DLGAP2: variants seen among roughly 807,000 people sequenced by gnomAD.
DLGAP2 encodes the protein disks large-associated protein 2.
In DLGAP2, 26 loss-of-function variants were observed where a neutral mutation model predicts 100.3. The observed-to-expected ratio is 0.26, with a 90% CI of 0.19 to 0.36. DLGAP2 has a LOEUF of 0.36. Among genes scored for constraint, DLGAP2 ranks in the 10% least tolerant of loss-of-function variants. DLGAP2 has a pLI of 1.00. For synonymous variants in DLGAP2, 886 were observed against 630.1 expected (o/e 1.41, Z -6.08); for missense variants, 1,858 against 1,453.2 (o/e 1.28, Z -4.53).
chr8:889,085 G>C (rs552493713), intron 1 of DLGAP2, among the ~76,000 whole-genome samples: 1 of 152,284 alleles, frequency 6.6e-6, no homozygotes, highest in South Asian at 2.1e-4. Flanking sequence ...AGGTCACAAG[G>C]TGCTCAGTAG....
At chr8:1,139,686 C>A (rs1428743403) in intron 2 of DLGAP2, among the ~76,000 whole-genome samples, 1 of 152,136 alleles carries the variant, frequency 6.6e-6, no homozygotes, top group Non-Finnish European at 1.5e-5. Context: ...AACAGTAAGG[C>A]CACCTAGAAC....
At chr8:1,167,922 G>A (rs1359323425) in intron 2 of DLGAP2, among the ~76,000 whole-genome samples, 1 of 151,886 alleles carries the variant, frequency 6.6e-6, no homozygotes, top group Non-Finnish European at 1.5e-5. Context: ...GGGTACATGT[G>A]CACAATGTGT....
chr8:1,632,716 C>G, intron 7 of DLGAP2, 111 bp from the exon 8 acceptor site: 1 of 1,041,818 alleles, frequency 9.6e-7, no homozygotes, highest in Non-Finnish European at 1.4e-6. Flanking sequence ...CTGTGCTGAA[C>G]TATGAGGCAG....
chr8:838,391 A>G (rs2132712197), intron 1 of DLGAP2, among the ~76,000 whole-genome samples: 1 of 151,692 alleles, frequency 6.6e-6, no homozygotes, highest in Non-Finnish European at 1.5e-5. Context: ...TCAGTATTTT[A>G]TTTTTTTATT....
chr8:745,069 G>C (rs1429373912), intron 1 of DLGAP2, among the ~76,000 whole-genome samples: 1 of 152,200 alleles, frequency 6.6e-6, no homozygotes, highest in African/African-American at 2.4e-5. Flanking sequence ...CACCGTGAAT[G>C]CCTCGTTACG....
At chr8:1,025,994 C>G (rs1295425488) in intron 2 of DLGAP2, among the ~76,000 whole-genome samples, 2 of 152,368 alleles carry the variant, frequency 1.3e-5, no homozygotes, top group African/African-American at 4.8e-5. Context: ...AGACGGTGCC[C>G]TGAAGCTGCA....
chr8:934,876 G>T (rs1799034487), intron 2 of DLGAP2, among the ~76,000 whole-genome samples: 1 of 152,144 alleles, frequency 6.6e-6, no homozygotes, highest in Admixed American at 6.5e-5. Context: ...AGAGTGATTT[G>T]CTGTCCAAAG....
intron 6 of DLGAP2, among the ~76,000 whole-genome samples, chr8:1,578,189 A>G (rs1803072127): frequency 1.3e-5 from 2 of 152,218 alleles, no homozygotes; most frequent in African/African-American, 4.8e-5. Context: ...GATTCAAATG[A>G]TAAAAATGAT....
At position 1,417,694 on chromosome 8, in the gene DLGAP2, G is replaced by GGCACGGGGAC. The variant is rs1563134271; in HGVS notation, c.107-83672_107-83671insGCACGGGGAC. ...GCGAGGCTCCAGGGGGGCACAGGGGGCCCCACTCCTGCCTCACTCGGCGAG... is the reference window on the plus strand; with the variant it reads ...GCGAGGCTCCAGGGGGGCACAGGGGGGCACGGGGACCCCCACTCCTGCCTCACTCGGCGAG... On this transcript the variant is annotated intron_variant, in intron 3 of 14. Transcript: ENST00000637795. Among the ~76,000 whole-genome samples, 2 of 144,328 alleles carry GGCACGGGGAC rather than the reference G, an allele frequency of 1.4e-5. 1 individual carries two copies. The highest frequency in any genetic ancestry group is 5.4e-5 in the African/African-American group (2 of 37,226). 94.7% of individuals were successfully genotyped at this position (144,328 alleles called of 152,430 possible). A position where few individuals can be genotyped will look rare whatever the true frequency, so the allele number is the denominator to read the frequency against.
intron 2 of DLGAP2, among the ~76,000 whole-genome samples, chr8:1,066,739 T>A (rs990163316): frequency 2.0e-5 from 3 of 152,234 alleles, no homozygotes; most frequent in African/African-American, 7.2e-5. Flanking sequence ...CCTGTCTTTG[T>A]CCTTGGCCTC....
chr8:811,983 G>A (rs989664547), intron 1 of DLGAP2, among the ~76,000 whole-genome samples: 4 of 152,258 alleles, frequency 2.6e-5, no homozygotes, highest in Non-Finnish European at 4.4e-5. Flanking sequence ...GCACTGGCCG[G>A]AATTCTGGAA....
intron 3 of DLGAP2, among the ~76,000 whole-genome samples, chr8:1,339,743 A>T (rs1262845758): frequency 6.6e-6 from 1 of 152,164 alleles, no homozygotes; most frequent in Non-Finnish European, 1.5e-5. Context: ...CAGAGGAGCC[A>T]CCTGCCCTGC....
At chr8:1,541,872 G>A (rs1801371369) in intron 4 of DLGAP2, among the ~76,000 whole-genome samples, 1 of 152,244 alleles carries the variant, frequency 6.6e-6, no homozygotes, top group Admixed American at 6.5e-5. Context: ...ACAATGGAAT[G>A]ATGGAATGTC....
At chr8:827,318 AT>A (rs1211539774) in intron 1 of DLGAP2, among the ~76,000 whole-genome samples, 2 of 152,132 alleles carry the variant, frequency 1.3e-5, no homozygotes, top group African/African-American at 4.8e-5. Flanking sequence ...CAATGTGAGG[AT>A]TTTTCATGGG....
chr8:1,492,296 A>G (rs962507201), intron 3 of DLGAP2, among the ~76,000 whole-genome samples: 2 of 152,202 alleles, frequency 1.3e-5, no homozygotes, highest in African/African-American at 4.8e-5. Context: ...AAACCAATCA[A>G]TGTCATTGTC....
chr8:1,052,056 G>A (rs1286769491), intron 2 of DLGAP2, among the ~76,000 whole-genome samples: 3 of 152,138 alleles, frequency 2.0e-5, no homozygotes, highest in African/African-American at 4.8e-5. Context: ...CACGCCTGCC[G>A]CCAGCACGCG....
chr8:1,159,039 G>A (rs561864236), intron 2 of DLGAP2, among the ~76,000 whole-genome samples: 4 of 152,186 alleles, frequency 2.6e-5, no homozygotes, highest in South Asian at 2.1e-4. Flanking sequence ...TGTTAACCTC[G>A]ATGTCAGTGA....
intron 1 of DLGAP2, among the ~76,000 whole-genome samples, chr8:866,874 G>A (rs980238247): frequency 1.3e-5 from 2 of 152,180 alleles, no homozygotes; most frequent in Admixed American, 6.5e-5. Flanking sequence ...GCTCAGAGCC[G>A]GTGTTCTCCT....
chr8:1,579,874 C>T (rs1196780846), intron 6 of DLGAP2, among the ~76,000 whole-genome samples: 4 of 151,812 alleles, frequency 2.6e-5, no homozygotes, highest in African/African-American at 9.7e-5. Flanking sequence ...CCCCACCATG[C>T]GCTGCTACCA....
Sources: gnomAD v4.1 joint callset for allele counts (sites outside exome capture counted in the v4.1 genomes callset) on GRCh38, gnomAD v4.1.1 for gene constraint, MANE v1.5 for transcripts, NCBI Gene and HGNC (gene_info 2026-07-23, HGNC 2026-07-21) for gene names.